Variants in SNRNP48 observed in about 807,000 individuals in gnomAD.
SNRNP48 encodes the protein U11/U12 small nuclear ribonucleoprotein 48 kDa protein.
A neutral mutation model predicts 47.0 loss-of-function variants in SNRNP48; 43 were observed. The observed-to-expected ratio is 0.92, with a 90% CI of 0.72 to 1.18. SNRNP48 has a LOEUF of 1.18. Among genes scored for constraint, SNRNP48 ranks in the 50% most tolerant of loss-of-function variants. The pLI, the probability that SNRNP48 is intolerant of heterozygous loss-of-function variation, is 0.00. For synonymous variants in SNRNP48, 138 were observed against 144.0 expected (o/e 0.96, Z 0.30); for missense variants, 396 against 422.2 (o/e 0.94, Z 0.54).
Position 7,602,617 on chromosome 6 carries a change from C to T in SNRNP48, c.596-6C>T, listed in dbSNP as rs769138132. ...ATATAATACTTTTATTTTATTCTTT[C>T]ATTAGACAATAGTCGAAAAAGTCCA... On this transcript the variant is annotated splice_region_variant and splice_polypyrimidine_tract_variant and intron_variant, in intron 5 of 8. Transcript: ENST00000342415. The T allele has an allele frequency of 5.7e-6, 9 of 1,567,554 alleles. No individual in the cohort carries two copies. In the South Asian group the frequency reaches 1.1e-4, roughly 19 times the overall value.
intron 1 of SNRNP48, among the ~76,000 whole-genome samples, chr6:7,591,730 A>G (rs879843872): frequency 2.0e-5 from 3 of 152,196 alleles, no homozygotes; most frequent in Non-Finnish European, 4.4e-5. Flanking sequence ...ACTCAAAATA[A>G]CCCTATGAGG....
At chr6:7,595,228 T>A in intron 4 of SNRNP48, 127 bp downstream of exon 4, 1 of 744,072 alleles carries the variant, frequency 1.3e-6, no homozygotes, top group South Asian at 2.1e-5. Flanking sequence ...GTTTTACATT[T>A]AACATTGGGC....
intron 4 of SNRNP48, among the ~76,000 whole-genome samples, chr6:7,598,114 A>G (rs1016568798): frequency 3.3e-5 from 5 of 151,040 alleles, no homozygotes; most frequent in African/African-American, 2.4e-5. Context: ...TGATCTGCCC[A>G]CCTTGGCCTC....
chr6:7,591,127 T>C (rs893773268), intron 1 of SNRNP48, among the ~76,000 whole-genome samples: 5 of 152,208 alleles, frequency 3.3e-5, no homozygotes, highest in Admixed American at 1.3e-4. Flanking sequence ...GATTCCGCAG[T>C]TGCACCAGAT....
rs993274085 is a variant in SNRNP48 at position 7,590,412 on chromosome 6, A to G, written c.155A>G (p.Glu52Gly). The change falls in exon 1 of 9, where the codon GAG (glutamate) becomes GGG (glycine). Residue 52 changes from glutamate to glycine, a missense_variant and splice_region_variant. Physicochemically the swap from Glu to Gly is moderately conservative, Grantham distance 98 (BLOSUM62 -2). Transcript: ENST00000342415. ...SLDPGEEEAA[E>G]DEVVICPYDS... The stretch of plus-strand genomic sequence containing the variant: ...GATCCCGGGGAAGAGGAGGCGGCGG[A>G]GGTGAGGAGCGCGGCCGCGGGGCCC... 2 of 1,307,104 alleles carry G rather than the reference A, an allele frequency of 1.5e-6. No individual in the cohort carries two copies. Among genetic ancestry groups the G allele is most frequent in the Non-Finnish European group, 2.0e-6 (2 of 1,016,338 alleles). The allele number at this position is 1,307,104 out of a possible 1,614,324, so 81.0% of individuals were successfully genotyped here.
intron 6 of SNRNP48, among the ~76,000 whole-genome samples, chr6:7,604,876 TA>T (rs1156252897): frequency 6.6e-6 from 1 of 152,186 alleles, no homozygotes; most frequent in Non-Finnish European, 1.5e-5. Flanking sequence ...TATAAGGTTT[TA>T]AAAAAATCAT....
intron 1 of SNRNP48, among the ~76,000 whole-genome samples, chr6:7,590,846 T>C (rs1759804001): frequency 6.6e-6 from 1 of 152,028 alleles, no homozygotes; most frequent in Admixed American, 6.5e-5. Flanking sequence ...GGTGTGGTGG[T>C]GTGAGCCTGT....
Position 7,590,320 on chromosome 6 carries a change from C to A in SNRNP48, c.63C>A (p.Phe21Leu). The A allele has an allele frequency of 7.1e-7, 1 of 1,407,288 alleles. No homozygotes were observed. The highest frequency in any genetic ancestry group is 9.4e-7 in the Non-Finnish European group (1 of 1,066,344). The allele number at this position is 1,407,288 out of a possible 1,614,324, so 87.2% of individuals were successfully genotyped here. A position where few individuals can be genotyped will look rare whatever the true frequency, so the allele number is the denominator to read the frequency against. Residue 21 changes from phenylalanine (F) to leucine (L), a missense_variant, in exon 1 of 9, where the codon TTC becomes TTA. Transcript: ENST00000342415. ...RRRLQEELNEFVESGCRTLEE... is the reference protein window; with the variant it reads ...RRRLQEELNELVESGCRTLEE... ...GGCTGCAGGAGGAGCTGAACGAGTT[C>A]GTGGAGAGCGGCTGCCGGACGTTGG...
At chr6:7,600,612 T>C (rs1361029617) in intron 4 of SNRNP48, 1 of 152,220 alleles carries the variant, frequency 6.6e-6, no homozygotes, top group Non-Finnish European at 1.5e-5. Context: ...TATTTACTTT[T>C]TTTCACTAAT....
intron 8 of SNRNP48, 83 bp downstream of exon 8, chr6:7,606,278 A>G (rs1479607820): frequency 7.5e-7 from 1 of 1,330,960 alleles, no homozygotes; most frequent in Non-Finnish European, 1.0e-6. Context: ...GACCATGCTG[A>G]GAAAATAGAT....
rs1759923183 is a variant in SNRNP48 at position 7,597,436 on chromosome 6, T to C, written c.406+2335T>C. Among the ~76,000 whole-genome samples, 3 of 152,338 alleles carry C rather than the reference T, an allele frequency of 2.0e-5. 1 individual carries two copies. The South Asian group carries it at 6.2e-4, about 32-fold the overall frequency. On this transcript the variant is annotated intron_variant, in intron 4 of 8. Coordinates refer to ENST00000342415, the MANE Select transcript of SNRNP48 (RefSeq NM_152551.4). ...TTATTCTGCTTTGTGTAAACCTGTT[T>C]TAAAGAAATAAAAGTAGCTGCTTGG...
rs186095274 is a variant in SNRNP48 at position 7,598,071 on chromosome 6, G to A, written c.406+2970G>A. On this transcript the variant is annotated intron_variant, in intron 4 of 8. Coordinates refer to ENST00000342415, the MANE Select transcript of SNRNP48 (RefSeq NM_152551.4). ...TTTAGTAGAGACGGGGTTTCACTGTGTTAGCCACGATGGTCTCGATCTCCT... is the reference window on the plus strand; with the variant it reads ...TTTAGTAGAGACGGGGTTTCACTGTATTAGCCACGATGGTCTCGATCTCCT... 5.9e-5 allele frequency among the ~76,000 whole-genome samples: 9 copies of A among 151,568 alleles called. No homozygotes were observed. The East Asian group carries it at 1.4e-3, about 23-fold the overall frequency.
intron 8 of SNRNP48, among the ~76,000 whole-genome samples, chr6:7,608,017 A>G (rs191740675): frequency 1.7e-3 from 255 of 152,298 alleles, no homozygotes; most frequent in African/African-American, 5.8e-3. Context: ...TCTCTAATCA[A>G]TCCCTGTTGA....
chr6:7,590,814 C>A (rs976877659), intron 1 of SNRNP48, among the ~76,000 whole-genome samples: 1 of 152,134 alleles, frequency 6.6e-6, no homozygotes, highest in Admixed American at 6.5e-5. Context: ...CTCTTCTCTA[C>A]CAAAAGTACA....
chr6:7,606,372 C>T (rs1760128148), intron 8 of SNRNP48, among the ~76,000 whole-genome samples, 177 bp downstream of exon 8: 1 of 152,240 alleles, frequency 6.6e-6, no homozygotes, highest in Non-Finnish European at 1.5e-5. Context: ...ATAACCACCA[C>T]TCTAGTGACA....
chr6:7,608,822 C>T lies in SNRNP48; in HGVS notation c.972-3C>T. ...CCATTTTTTTATACCTCTTTTATTT[C>T]AGGGATGGGGAAAGACACCATAGTC... On this transcript the variant is annotated splice_region_variant and splice_polypyrimidine_tract_variant and intron_variant, in intron 8 of 8. Transcript: ENST00000342415. 6.7e-7 allele frequency: 1 copy of T among 1,485,152 alleles called. No homozygotes were observed. The highest frequency in any genetic ancestry group is 2.4e-5 in the East Asian group (1 of 42,124). The allele number at this position is 1,485,152 out of a possible 1,614,324, so 92.0% of individuals were successfully genotyped here. A position where few individuals can be genotyped will look rare whatever the true frequency, so the allele number is the denominator to read the frequency against.
At chr6:7,596,826 CAT>C (rs1269844642) in intron 4 of SNRNP48, among the ~76,000 whole-genome samples, 1 of 152,094 alleles carries the variant, frequency 6.6e-6, no homozygotes, top group Non-Finnish European at 1.5e-5. Context: ...GTAGTGTACC[CAT>C]AAAAAAGTTG....
At chr6:7,601,795 A>G (rs1401683303) in intron 5 of SNRNP48, among the ~76,000 whole-genome samples, 1 of 152,148 alleles carries the variant, frequency 6.6e-6, no homozygotes, top group Non-Finnish European at 1.5e-5. Context: ...ATAATTCCAT[A>G]AACAATATAT....
At chr6:7,597,944 C>A (rs1446176418) in intron 4 of SNRNP48, among the ~76,000 whole-genome samples, 1 of 149,634 alleles carries the variant, frequency 6.7e-6, no homozygotes, top group African/African-American at 2.5e-5. Flanking sequence ...CTACTCACTG[C>A]AAGCTCTGCC....
Sources: gnomAD v4.1 joint callset for allele counts (sites outside exome capture counted in the v4.1 genomes callset) on GRCh38, gnomAD v4.1.1 for gene constraint, MANE v1.5 for transcripts, NCBI Gene and HGNC (gene_info 2026-07-23, HGNC 2026-07-21) for gene names.